PGBD5: variants seen among roughly 807,000 people sequenced by gnomAD.
The protein encoded by PGBD5 is piggyBac transposable element-derived protein 5.
A neutral mutation model predicts 47.9 loss-of-function variants in PGBD5; 14 were observed. That is an observed-to-expected ratio of 0.29 (90% CI 0.19 to 0.46). PGBD5 has a LOEUF of 0.46. Ranked by LOEUF, PGBD5 falls within the 20% of genes least tolerant of loss-of-function variation. PGBD5 has a pLI of 1.00. For missense variants in PGBD5, 635 were observed against 716.0 expected (o/e 0.89, Z 1.29); for synonymous variants, 316 against 306.3 (o/e 1.03, Z -0.33).
chr1:230,335,737 T>TGCACATATGGACACACACACACA (rs1491364242), intron 4 of PGBD5, among the ~76,000 whole-genome samples: 1 of 1,856 alleles, frequency 5.4e-4, no homozygotes, highest in East Asian at 0.017. Flanking sequence ...ACACACAGAC[T>TGCACATATGGACACACACACACA]TACACAAAGA....
rs1265641757 is a variant in PGBD5, at chr1:230,319,563, G to C, written c.*3862C>G. On this transcript the variant is annotated 3_prime_UTR_variant, in exon 7 of 7. Coordinates refer to ENST00000391860, the MANE Select transcript of PGBD5 (RefSeq NM_001258311.2). ...GTGACCCCCCCTCACTGTTGGGGGG[G>C]CTGAGCCTGGGTCCCTGGGGAGGAT... The C allele has an allele frequency of 1.3e-5, 2 of 152,200 alleles. No individual in the cohort carries two copies. The highest frequency in any genetic ancestry group is 1.3e-4 in the Admixed American group (2 of 15,282). The allele number at this position is 152,200 out of a possible 1,614,324, so 9.4% of individuals were successfully genotyped here.
intron 1 of PGBD5, among the ~76,000 whole-genome samples, chr1:230,402,486 T>C (rs188996147): frequency 6.6e-6 from 1 of 152,354 alleles, no homozygotes; most frequent in Admixed American, 6.5e-5. Flanking sequence ...AGTGCAGTGG[T>C]GTGAAGAGAG....
rs1666994569 is a variant in PGBD5, at chr1:230,319,068, C to T, written c.*4357G>A. ...CAGGTAAGTCAGGGATAAAATCCCC[C>T]GTCCTCGTGATGAATCAGGACAGCC... On this transcript the variant is annotated 3_prime_UTR_variant, in exon 7 of 7. Transcript: ENST00000391860. 2 of 152,380 alleles carry T rather than the reference C, an allele frequency of 1.3e-5. No individual in the cohort carries two copies. The highest frequency in any genetic ancestry group is 1.9e-4 in the East Asian group (1 of 5,186). The allele number at this position is 152,380 out of a possible 1,614,324, so 9.4% of individuals were successfully genotyped here. A position where few individuals can be genotyped will look rare whatever the true frequency, so the allele number is the denominator to read the frequency against.
intron 1 of PGBD5, among the ~76,000 whole-genome samples, chr1:230,402,884 T>G (rs1050047147): frequency 6.6e-6 from 1 of 152,244 alleles, no homozygotes; most frequent in Non-Finnish European, 1.5e-5. Flanking sequence ...CAACTGCTTA[T>G]ATGACCATTG....
chr1:230,369,487 A>G (rs968492247), intron 1 of PGBD5, among the ~76,000 whole-genome samples: 4 of 152,164 alleles, frequency 2.6e-5, no homozygotes, highest in African/African-American at 7.2e-5. Context: ...CAGGGCTGGA[A>G]TCACTGGTGC....
At position 230,332,859 on chromosome 1, in the gene PGBD5, A is replaced by G; in HGVS notation, c.1258T>C (p.Ser420Pro). ...GHFRFLTNAY[S>P]PVQQGVIIKR... ...CCGCACTCACCCTGCTGCACCGGGG[A>G]GTAGGCGTTGGTCAGGAAGCGGAAG... Residue 420 changes from serine to proline, a missense_variant, in exon 5 of 7, where the codon TCC becomes CCC. Ser to Pro is a moderately conservative substitution (Grantham distance 74). Transcript: ENST00000391860. The G allele has an allele frequency of 6.2e-7, 1 of 1,614,108 alleles. No individual in the cohort carries two copies. Among genetic ancestry groups the G allele is most frequent in the Non-Finnish European group, 8.5e-7 (1 of 1,180,020 alleles).
chr1:230,377,721 A>G, intron 1 of PGBD5: 1 of 1,429,974 alleles, frequency 7.0e-7, no homozygotes, highest in Admixed American at 3.1e-5. Context: ...ATCCACCTCA[A>G]AGAGTCATTG....
intron 1 of PGBD5, among the ~76,000 whole-genome samples, chr1:230,361,910 G>A (rs528985614): frequency 2.6e-4 from 39 of 152,338 alleles, no homozygotes; most frequent in African/African-American, 9.1e-4. Flanking sequence ...GCTTAAAAGG[G>A]TGACTGGTAA....
intron 6 of PGBD5, 33 bp downstream of exon 6, chr1:230,325,277 G>C: frequency 6.8e-7 from 1 of 1,463,850 alleles, no homozygotes; most frequent in Non-Finnish European, 9.5e-7. Context: ...AACTATGAGA[G>C]CCCTTCTGTC....
chr1:230,424,085 C>T (rs1024339402), intron 1 of PGBD5, among the ~76,000 whole-genome samples: 2 of 152,200 alleles, frequency 1.3e-5, no homozygotes, highest in Admixed American at 6.5e-5. Flanking sequence ...CCCTGAGACA[C>T]GCAGAGACTT....
chr1:230,320,112 C>A lies in PGBD5; in HGVS notation c.*3313G>T, dbSNP rs1478882479. 1 of 152,154 alleles carries A rather than the reference C, an allele frequency of 6.6e-6. No individual in the cohort carries two copies. Among genetic ancestry groups the A allele is most frequent in the Non-Finnish European group, 1.5e-5 (1 of 68,088 alleles). The allele number at this position is 152,154 out of a possible 1,614,324, so 9.4% of individuals were successfully genotyped here. ...TCCTGGCCTTGTGATCCGCCTGCCTCGGCCTCCCAAAGTGCTGGGATTACA... is the reference window on the plus strand; with the variant it reads ...TCCTGGCCTTGTGATCCGCCTGCCTAGGCCTCCCAAAGTGCTGGGATTACA... On this transcript the variant is annotated 3_prime_UTR_variant, in exon 7 of 7. Transcript: ENST00000391860.
At chr1:230,341,930 A>G (rs1279854943) in intron 3 of PGBD5, among the ~76,000 whole-genome samples, 3 of 152,126 alleles carry the variant, frequency 2.0e-5, no homozygotes, top group Non-Finnish European at 4.4e-5. Flanking sequence ...TAGGCATGCA[A>G]GTTTATTACT....
chr1:230,351,119 C>G lies in PGBD5; in HGVS notation c.760-27G>C, dbSNP rs1328682237. 2.5e-6 allele frequency: 4 copies of G among 1,602,672 alleles called. No individual in the cohort carries two copies. In the Admixed American group the frequency reaches 5.1e-5, roughly 21 times the overall value. On this transcript the variant is annotated intron_variant, in intron 2 of 6. Transcript: ENST00000391860. ...TGCCAGGAGGGAAAAAGCAGAGGCT[C>G]TCACGGAAGGCAGCATGAGCTTGAG... is the stretch of plus-strand genomic sequence containing the variant.
intron 1 of PGBD5, among the ~76,000 whole-genome samples, chr1:230,368,881 C>T (rs995737628): frequency 1.3e-5 from 2 of 152,250 alleles, no homozygotes; most frequent in African/African-American, 2.4e-5. Context: ...GGAATGTAGG[C>T]CTTTGTTCTT....
At chr1:230,394,747 C>T (rs1656882366) in intron 1 of PGBD5, among the ~76,000 whole-genome samples, 4 of 132,046 alleles carry the variant, frequency 3.0e-5, no homozygotes, top group African/African-American at 1.2e-4. Flanking sequence ...CTACCCTCCT[C>T]CCCTCCACTC....
intron 1 of PGBD5, among the ~76,000 whole-genome samples, chr1:230,411,212 A>G (rs1339176194): frequency 6.6e-6 from 1 of 152,180 alleles, no homozygotes; most frequent in African/African-American, 2.4e-5. Flanking sequence ...GGGCCTGGGA[A>G]GTAAAGGCTG....
At chr1:230,329,864 T>C (rs1268190095) in intron 5 of PGBD5, among the ~76,000 whole-genome samples, 1 of 152,076 alleles carries the variant, frequency 6.6e-6, no homozygotes. Flanking sequence ...AATTACACCA[T>C]AAAACAGCCA....
rs1223044439 is a variant in PGBD5, at chr1:230,317,288, C to A, written c.*6137G>T. ...GCAGCAGTGGCTGAGAACCAGGAAG[C>A]CCTGGAGCAGACAGAGTGAGGGTCA... On this transcript the variant is annotated 3_prime_UTR_variant, in exon 7 of 7. Coordinates refer to ENST00000391860, the MANE Select transcript of PGBD5 (RefSeq NM_001258311.2). 2.0e-5 allele frequency: 3 copies of A among 152,326 alleles called. No individual in the cohort carries two copies. The highest frequency in any genetic ancestry group is 4.4e-5 in the Non-Finnish European group (3 of 68,148). The allele number at this position is 152,326 out of a possible 1,614,324, so 9.4% of individuals were successfully genotyped here.
At chr1:230,397,048 T>A (rs934455278) in intron 1 of PGBD5, among the ~76,000 whole-genome samples, 1 of 152,164 alleles carries the variant, frequency 6.6e-6, no homozygotes, top group African/African-American at 2.4e-5. Flanking sequence ...GAGAGGGAGT[T>A]CACCTGGTTT....
Sources: gnomAD v4.1 joint callset for allele counts (sites outside exome capture counted in the v4.1 genomes callset) on GRCh38, gnomAD v4.1.1 for gene constraint, MANE v1.5 for transcripts, NCBI Gene and HGNC (gene_info 2026-07-23, HGNC 2026-07-21) for gene names.